SLC4A5: variants seen among roughly 807,000 people sequenced by gnomAD.
SLC4A5 encodes the protein electrogenic sodium bicarbonate cotransporter 4.
Under a neutral mutation model 120.4 loss-of-function variants are expected in SLC4A5, and 96 were observed. That is an observed-to-expected ratio of 0.80 (90% CI 0.68 to 0.94). SLC4A5 has a LOEUF of 0.94. Ranked by LOEUF, SLC4A5 falls within the 40% of genes least tolerant of loss-of-function variation. The pLI is 0.00. For missense variants in SLC4A5, 1,259 were observed against 1,459.5 expected (o/e 0.86, Z 2.24); for synonymous variants, 550 against 571.1 (o/e 0.96, Z 0.53).
intron 8 of SLC4A5, among the ~76,000 whole-genome samples, chr2:74,270,260 CT>C (rs1671430436): frequency 6.6e-6 from 1 of 152,206 alleles, no homozygotes; most frequent in Non-Finnish European, 1.5e-5. Context: ...ATGGCTACAG[CT>C]AGAAATTTAG....
intron 7 of SLC4A5, among the ~76,000 whole-genome samples, chr2:74,289,577 A>G (rs529277216): frequency 8.5e-5 from 13 of 152,318 alleles, no homozygotes; most frequent in African/African-American, 3.1e-4. Context: ...TCAGCCTCCT[A>G]AAGTGCCAGG....
At chr2:74,341,961 T>C (rs1249652329) in intron 2 of SLC4A5, among the ~76,000 whole-genome samples, 1 of 152,240 alleles carries the variant, frequency 6.6e-6, no homozygotes, top group Non-Finnish European at 1.5e-5. Context: ...AATCCATTTC[T>C]GAGTAAGAGA....
chr2:74,235,254 G>A, intron 21 of SLC4A5, 40 bp from the exon 22 acceptor site: 1 of 1,527,396 alleles, frequency 6.5e-7, no homozygotes. Flanking sequence ...AGTGAGTAAA[G>A]CACCCACCCA....
chr2:74,280,260 T>A (rs902465467), intron 8 of SLC4A5, among the ~76,000 whole-genome samples: 77 of 152,152 alleles, frequency 5.1e-4, no homozygotes, highest in African/African-American at 1.8e-3. Flanking sequence ...TGGCTAACTC[T>A]GACCCATCCT....
chr2:74,259,645 T>C lies in SLC4A5; in HGVS notation c.812-2A>G. ...TCATGCTTCTGCTCTGGGCATGACCTAGGAGAAAAGGAAAAGAAGATCCAT... is the reference window on the plus strand; with the variant it reads ...TCATGCTTCTGCTCTGGGCATGACCCAGGAGAAAAGGAAAAGAAGATCCAT... On this transcript the variant is annotated splice_acceptor_variant, in intron 11 of 30. Transcript: ENST00000394019. LOFTEE classifies it high-confidence loss of function. 1.2e-6 allele frequency: 2 copies of C among 1,614,170 alleles called. No homozygotes were observed. The highest frequency in any genetic ancestry group is 1.7e-6 in the Non-Finnish European group (2 of 1,180,006).
At chr2:74,314,969 T>G in exon 6 of SLC4A5, 1 of 1,613,822 alleles carries the variant, frequency 6.2e-7, no homozygotes, top group Non-Finnish European at 8.5e-7. Context: ...AATCTCCTCC[T>G]GTGGTTAGTG....
intron 21 of SLC4A5, among the ~76,000 whole-genome samples, chr2:74,237,738 C>T (rs1670313252): frequency 6.6e-6 from 1 of 152,112 alleles, no homozygotes; most frequent in Non-Finnish European, 1.5e-5. Flanking sequence ...ACAGTTACTG[C>T]TTATGTATGC....
At position 74,233,399 on chromosome 2, in the gene SLC4A5, T is replaced by C; in HGVS notation, c.2595+3A>G. The C allele has an allele frequency of 1.2e-6, 2 of 1,614,174 alleles. No individual in the cohort carries two copies. The highest frequency in any genetic ancestry group is 1.7e-6 in the Non-Finnish European group (2 of 1,180,004). ...ATGCCTCTGCTCCTAGTACCGGCCTTACCTTCAGTTTGTTCTCCTTCCGGT... is the reference window on the plus strand; with the variant it reads ...ATGCCTCTGCTCCTAGTACCGGCCTCACCTTCAGTTTGTTCTCCTTCCGGT... On this transcript the variant is annotated splice_donor_region_variant and intron_variant, in intron 23 of 30. Coordinates refer to ENST00000394019, the Ensembl canonical transcript of SLC4A5.
chr2:74,227,029 C>G (rs769523191), exon 27 of SLC4A5: 6 of 1,614,060 alleles, frequency 3.7e-6, no homozygotes, highest in Admixed American at 1.7e-5. Flanking sequence ...GGATCTGCAC[C>G]AGGGTGAAGA....
intron 1 of SLC4A5, among the ~76,000 whole-genome samples, chr2:74,342,947 T>C (rs1262112287): frequency 6.6e-6 from 1 of 152,052 alleles, no homozygotes; most frequent in Non-Finnish European, 1.5e-5. Context: ...GAGACTCCCA[T>C]GGCTCAAGAA....
intron 8 of SLC4A5, among the ~76,000 whole-genome samples, chr2:74,269,942 C>T (rs947285939): frequency 2.0e-5 from 3 of 152,204 alleles, no homozygotes; most frequent in Non-Finnish European, 2.9e-5. Flanking sequence ...CAGTCCTCTC[C>T]ACCTCTCAGG....
rs555738757 is a variant in SLC4A5, at chr2:74,260,058, C to T, written c.812-415G>A. ...GAGGGGGAGCAGTTTCACCTCTGTC[C>T]TCCATGACCGGTGAGAGTCTTCAAA... On this transcript the variant is annotated intron_variant, in intron 11 of 30. Coordinates refer to ENST00000394019, the Ensembl canonical transcript of SLC4A5. 2.0e-5 allele frequency among the ~76,000 whole-genome samples: 3 copies of T among 152,320 alleles called. No homozygotes were observed. In the East Asian group the frequency reaches 5.8e-4, roughly 29 times the overall value.
rs765674356 is a variant in SLC4A5, at chr2:74,255,945, G to A, written c.868-13C>T. The A allele has an allele frequency of 2.5e-6, 4 of 1,612,038 alleles. No homozygotes were observed. Among genetic ancestry groups the A allele is most frequent in the Admixed American group, 3.3e-5 (2 of 59,960 alleles). Reference sequence around the variant, plus strand: ...ATTTGTTTTTCCGCTGGACAGGGAGGGGAAACGAGATAGCCAAGGAGACTC... The same window carrying A: ...ATTTGTTTTTCCGCTGGACAGGGAGAGGAAACGAGATAGCCAAGGAGACTC... On this transcript the variant is annotated splice_polypyrimidine_tract_variant and intron_variant, in intron 12 of 30. Coordinates refer to ENST00000394019, the Ensembl canonical transcript of SLC4A5. This position sits in a 1 kb window ranked among gnomAD's most constrained non-coding sequence, Gnocchi z 4.0.
At chr2:74,228,226 C>A (rs1257310186) in intron 25 of SLC4A5, among the ~76,000 whole-genome samples, 1 of 152,244 alleles carries the variant, frequency 6.6e-6, no homozygotes, top group African/African-American at 2.4e-5. Flanking sequence ...CTTCTTCCTA[C>A]CTCCAGCCTC....
At chr2:74,240,769 C>T (rs1452897642) in intron 20 of SLC4A5, among the ~76,000 whole-genome samples, 1 of 142,284 alleles carries the variant, frequency 7.0e-6, no homozygotes, top group Admixed American at 7.0e-5. Flanking sequence ...GACCCCATCT[C>T]AAAAAAAAAA....
At chr2:74,287,761 A>G (rs1040976401) in intron 7 of SLC4A5, among the ~76,000 whole-genome samples, 16 of 151,060 alleles carry the variant, frequency 1.1e-4, no homozygotes, top group African/African-American at 3.9e-4. Context: ...CATCCCCTCA[A>G]CTCTTTCAGA....
chr2:74,226,906 T>C, intron 27 of SLC4A5, 51 bp downstream of exon 27: 1 of 1,588,502 alleles, frequency 6.3e-7, no homozygotes, highest in Non-Finnish European at 8.6e-7. Flanking sequence ...CACCTCTGGG[T>C]TGCCCAGGCC....
chr2:74,247,504 C>T (rs1670650300), intron 18 of SLC4A5, among the ~76,000 whole-genome samples, 197 bp from the exon 19 acceptor site: 1 of 151,876 alleles, frequency 6.6e-6, no homozygotes, highest in African/African-American at 2.4e-5. Context: ...GTCCAGTGTT[C>T]ATCTTTATAA....
intron 7 of SLC4A5, among the ~76,000 whole-genome samples, chr2:74,296,803 A>AG (rs1234567020): frequency 6.6e-6 from 1 of 151,274 alleles, no homozygotes; most frequent in Non-Finnish European, 1.5e-5. Flanking sequence ...AAAAAAAAAA[A>AG]AAAGAAAGCC....
Sources: allele counts gnomAD v4.1 joint callset (sites outside exome capture counted in the v4.1 genomes callset), GRCh38; gene constraint gnomAD v4.1.1; non-coding constraint Gnocchi (gnomAD v3.1); transcripts MANE v1.5; gene names NCBI Gene and HGNC (gene_info 2026-07-23, HGNC 2026-07-21).